Variants in ZNF138 observed in about 807,000 individuals in gnomAD.
ZNF138 encodes the protein zinc finger protein 138.
In ZNF138, 33 loss-of-function variants were observed where a neutral mutation model predicts 33.0. The observed-to-expected ratio is 1.00, with a 90% CI of 0.76 to 1.34. ZNF138 has a LOEUF of 1.34. ZNF138 is among the 40% of genes most tolerant of loss of function. ZNF138 has a pLI of 0.00. For synonymous variants in ZNF138, 139 were observed against 120.4 expected (o/e 1.15, Z -1.01); for missense variants, 360 against 370.8 (o/e 0.97, Z 0.24).
downstream of ZNF138, among the ~76,000 whole-genome samples, chr7:64,834,436 A>G (rs899059016): frequency 3.3e-5 from 5 of 152,240 alleles, no homozygotes; most frequent in African/African-American, 4.8e-5. Flanking sequence ...GGGTAGATAA[A>G]TTATTTGTAC....
chr7:64,850,178 G>A, the ZNF138 span, among the ~76,000 whole-genome samples: 1 of 152,292 alleles, frequency 6.6e-6, no homozygotes, highest in South Asian at 2.1e-4. Flanking sequence ...CTCAGCTCCA[G>A]GTAAAGTCAG....
At chr7:64,851,876 TGAGAGAAGACTA>T in the ZNF138 span, among the ~76,000 whole-genome samples, 1 of 152,204 alleles carries the variant, frequency 6.6e-6, no homozygotes, top group South Asian at 2.1e-4. Context: ...AAGATGCTCT[TGAGAGAAGACTA>T]GGCTTTTCAA....
At chr7:64,810,468 A>G (rs866607525) in intron 1 of ZNF138, among the ~76,000 whole-genome samples, 6 of 72,476 alleles carry the variant, frequency 8.3e-5, no homozygotes, top group Non-Finnish European at 8.9e-5. Flanking sequence ...GGAGGGGGAG[A>G]GGGAGAGCGT....
the ZNF138 span, among the ~76,000 whole-genome samples, chr7:64,850,340 G>A: frequency 6.6e-6 from 1 of 152,320 alleles, no homozygotes; most frequent in East Asian, 1.9e-4. Flanking sequence ...TTCCGTCAGA[G>A]GGTCTTTGGA....
the ZNF138 span, among the ~76,000 whole-genome samples, chr7:64,855,148 C>T: frequency 5.6e-3 from 848 of 152,264 alleles, 4 homozygotes; most frequent in African/African-American, 0.019. Flanking sequence ...CTCCACCCAG[C>T]ACCTTCATTT....
chr7:64,815,112 A>C (rs1487706400), intron 2 of ZNF138, 68 bp downstream of exon 2: 3 of 1,371,894 alleles, frequency 2.2e-6, no homozygotes, highest in Non-Finnish European at 2.9e-6. Context: ...TTTTTTGGGT[A>C]GAATGTCTTT....
In ZNF138 at chr7:64,832,986, A is replaced by G. The variant is rs1790215216; in HGVS notation, c.*784A>G. 1 of 426,558 alleles carries G rather than the reference A, an allele frequency of 2.3e-6. No homozygotes were observed. The highest frequency in any genetic ancestry group is 4.7e-6 in the Non-Finnish European group (1 of 211,268). The allele number at this position is 426,558 out of a possible 1,614,324, so 26.4% of individuals were successfully genotyped here. On this transcript the variant is annotated 3_prime_UTR_variant, in exon 4 of 4. Transcript: ENST00000307355. Reference sequence around the variant, plus strand: ...CTTTACTATGCATAAGAAAATTCAAACTGGAGAGAAACTCTACAAATGTGA... The same window carrying G: ...CTTTACTATGCATAAGAAAATTCAAGCTGGAGAGAAACTCTACAAATGTGA...
Position 64,832,839 on chromosome 7 carries a change from T to C in ZNF138, c.*637T>C, listed in dbSNP as rs3763506. The C allele has an allele frequency of 0.3, 128,059 of 433,062 alleles. 20,627 individuals are homozygous for C. Among genetic ancestry groups the C allele is most frequent in the Middle Eastern group, 0.36 (985 of 2,770 alleles). The allele number at this position is 433,062 out of a possible 1,614,324, so 26.8% of individuals were successfully genotyped here. On this transcript the variant is annotated 3_prime_UTR_variant, in exon 4 of 4. Coordinates refer to ENST00000307355, the MANE Select transcript of ZNF138 (RefSeq NM_001271639.2). ...TCATACTAGAGAGAAACCCTACAAA[T>C]GTGAAGAATGTGGCATATCTTTTAA...
rs570606521 is a variant in ZNF138 at position 64,797,317 on chromosome 7, G to A, written c.3+2746G>A. Among the ~76,000 whole-genome samples the A allele has an allele frequency of 7.2e-5, 11 of 152,072 alleles. No homozygotes were observed. In the South Asian group the frequency reaches 1.5e-3, roughly 20 times the overall value. The stretch of plus-strand genomic sequence containing the variant: ...GGATATAATAAAATAATTATTTATC[G>A]TTTTAAAAGATTACATACTTTTGCA... On this transcript the variant is annotated intron_variant, in intron 1 of 3. Coordinates refer to ENST00000307355, the MANE Select transcript of ZNF138 (RefSeq NM_001271639.2).
chr7:64,838,960 A>C, the ZNF138 span, among the ~76,000 whole-genome samples: 1 of 152,072 alleles, frequency 6.6e-6, no homozygotes, highest in South Asian at 2.1e-4. Flanking sequence ...GGAGAGACTA[A>C]GATGGGGGCC....
At chr7:64,815,267 A>G (rs986668989) in intron 2 of ZNF138, among the ~76,000 whole-genome samples, 4 of 151,942 alleles carry the variant, frequency 2.6e-5, no homozygotes, top group Admixed American at 2.0e-4. Context: ...TGTATCCTTC[A>G]CTCTAGATTA....
chr7:64,858,325 A>G, the ZNF138 span, among the ~76,000 whole-genome samples: 2 of 152,198 alleles, frequency 1.3e-5, no homozygotes, highest in African/African-American at 4.8e-5. Flanking sequence ...TCTTTTCTAC[A>G]TCTCTTTGTT....
Position 64,832,085 on chromosome 7 carries a change from T to A in ZNF138, c.843T>A (p.Cys281Ter), listed in dbSNP as rs1409701952. Residue 281 changes from cysteine to a stop codon, truncating the protein, a stop_gained, in exon 4 of 4, where the codon TGT (cysteine) becomes TGA (stop). Transcript: ENST00000307355. LOFTEE classifies it high-confidence loss of function. ...ATACTGAAGAGAAACCCTACAAATG[T>A]GAACAATGTGGCAAGGTCTTTAAGC... ...IIHTEEKPYK[C>*]EQCGKVFKQS... 6.2e-6 allele frequency: 10 copies of A among 1,613,674 alleles called. No homozygotes were observed. In the East Asian group the frequency reaches 2.2e-4, roughly 36 times the overall value.
At chr7:64,852,441 G>A in the ZNF138 span, 1 of 1,577,972 alleles carries the variant, frequency 6.3e-7, no homozygotes, top group Non-Finnish European at 8.7e-7. Flanking sequence ...GTGGCCACTT[G>A]TGGTGCAATC....
intron 1 of ZNF138, among the ~76,000 whole-genome samples, chr7:64,805,996 A>G (rs1787566289): frequency 6.6e-6 from 1 of 152,222 alleles, no homozygotes; most frequent in African/African-American, 2.4e-5. Context: ...AGTGTGATGC[A>G]TGTCACATTT....
chr7:64,806,941 T>C (rs1423733433), intron 1 of ZNF138, among the ~76,000 whole-genome samples: 1 of 152,176 alleles, frequency 6.6e-6, no homozygotes, highest in Non-Finnish European at 1.5e-5. Context: ...CTGTGACATG[T>C]TCATGATGGC....
intron 1 of ZNF138, among the ~76,000 whole-genome samples, chr7:64,796,307 GGTGGTCGTTTAGCACTTAA>G (rs1786685385): frequency 1.3e-5 from 2 of 152,154 alleles, no homozygotes; most frequent in African/African-American, 4.8e-5. Flanking sequence ...CTTCAGAGAG[GGTGGTCGTTTAGCACTTAA>G]GTGAGCAGGA....
rs1263273606 is a variant in ZNF138, at chr7:64,819,262, AGT to A, written c.208+3611_208+3612del. On this transcript the variant is annotated intron_variant, in intron 3 of 3. Transcript: ENST00000307355. ...TTCAATGGTCGTTTTATTTTGTGTAAGTGAGTAATCATGGAAATAGTCTTATT... is the reference window on the plus strand; with the variant it reads ...TTCAATGGTCGTTTTATTTTGTGTAAGAGTAATCATGGAAATAGTCTTATT... Among the ~76,000 whole-genome samples, 7 of 152,132 alleles carry A rather than the reference AGT, an allele frequency of 4.6e-5. 1 individual carries two copies. The South Asian group carries it at 1.2e-3, about 27-fold the overall frequency.
rs138905610 is a variant in ZNF138 at position 64,831,925 on chromosome 7, G to T, written c.683G>T (p.Cys228Phe). The change falls in exon 4 of 4, where the codon TGT becomes TTT. Residue 228 changes from cysteine (C) to phenylalanine (F), a missense_variant. Physicochemically the swap from Cys to Phe is radical, Grantham distance 205. Coordinates refer to ENST00000307355, the MANE Select transcript of ZNF138 (RefSeq NM_001271639.2). ...GAAAAACCCTACAAATGTGAAGTAT[G>T]TGGAAAAGCCTTTCACCAATCCTCA... is the stretch of plus-strand genomic sequence containing the variant. ...TGEKPYKCEVCGKAFHQSSIL... is the reference protein window; with the variant it reads ...TGEKPYKCEVFGKAFHQSSIL... The T allele has an allele frequency of 5.7e-4, 913 of 1,613,706 alleles. 5 individuals are homozygous for T. In the Middle Eastern group the frequency reaches 0.014, roughly 25 times the overall value.
Sources: allele counts gnomAD v4.1 joint callset (sites outside exome capture counted in the v4.1 genomes callset), GRCh38; gene constraint gnomAD v4.1.1; transcripts MANE v1.5; gene names NCBI Gene and HGNC (gene_info 2026-07-23, HGNC 2026-07-21).